The following BMP1 variants were observed in gnomAD, a reference collection of about 807,000 sequenced individuals.
The protein encoded by BMP1 is mammalian tolloid protein.
In BMP1, 63 loss-of-function variants were observed where a neutral mutation model predicts 116.8. That is an observed-to-expected ratio of 0.54 (90% CI 0.44 to 0.67). BMP1 has a LOEUF of 0.67. BMP1 is among the 30% of genes least tolerant of loss of function. The probability of loss-of-function intolerance (pLI) is 0.00; values close to 1 mark genes in which losing one functional copy is unlikely to be tolerated. For missense variants in BMP1, 1,183 were observed against 1,358.9 expected (o/e 0.87, Z 2.04); for synonymous variants, 536 against 533.4 (o/e 1.00, Z -0.07).
chr8:22,203,705 A>T (rs1484294735), intron 16 of BMP1, among the ~76,000 whole-genome samples: 1 of 152,172 alleles, frequency 6.6e-6, no homozygotes, highest in Non-Finnish European at 1.5e-5. Context: ...TGAGCTGCTC[A>T]CAAGCAGAAA....
chr8:22,166,487 G>A (rs1032015721), intron 1 of BMP1, among the ~76,000 whole-genome samples: 1 of 152,232 alleles, frequency 6.6e-6, no homozygotes, highest in African/African-American at 2.4e-5. Context: ...CGGGCCATTT[G>A]CCTGATTGGA....
chr8:22,183,591 AATTATTATTATTATT>A (rs10687529), intron 8 of BMP1, among the ~76,000 whole-genome samples: 3 of 146,986 alleles, frequency 2.0e-5, no homozygotes, highest in Non-Finnish European at 4.5e-5. Flanking sequence ...GTATGTGTTA[AATTATTATTATTATT>A]ATTATTATTA....
intron 17 of BMP1, 104 bp downstream of exon 17, chr8:22,207,085 C>T (rs1038550845): frequency 1.3e-6 from 2 of 1,522,564 alleles, no homozygotes; most frequent in East Asian, 4.8e-5. Flanking sequence ...GTCTGCCATC[C>T]CCAGGAGACC....
At position 22,194,996 on chromosome 8, in the gene BMP1, G is replaced by A. The variant is rs1468691700; in HGVS notation, c.1639+77G>A. 9.9e-6 allele frequency: 14 copies of A among 1,414,838 alleles called. No individual in the cohort carries two copies. Among genetic ancestry groups the A allele is most frequent in the South Asian group, 5.4e-5 (4 of 74,286 alleles). The allele number at this position is 1,414,838 out of a possible 1,614,324, so 87.6% of individuals were successfully genotyped here. Reference sequence around the variant, plus strand: ...CCTTCTTCACTCACTCATTCAACACGGAGACTCCAGGAGGCATATTGATAC... The same window carrying A: ...CCTTCTTCACTCACTCATTCAACACAGAGACTCCAGGAGGCATATTGATAC... On this transcript the variant is annotated intron_variant, in intron 12 of 19. Coordinates refer to ENST00000306385, the MANE Select transcript of BMP1 (RefSeq NM_006129.5). This position sits in a 1 kb window ranked among gnomAD's most constrained non-coding sequence, Gnocchi z 4.5.
Position 22,194,373 on chromosome 8 carries a change from GA to G in BMP1, c.1298-68del. 2 of 1,586,012 alleles carry G rather than the reference GA, an allele frequency of 1.3e-6. No homozygotes were observed. Among genetic ancestry groups the G allele is most frequent in the Non-Finnish European group, 8.6e-7 (1 of 1,162,906 alleles). On this transcript the variant is annotated intron_variant, in intron 10 of 19. Coordinates refer to ENST00000306385, the MANE Select transcript of BMP1 (RefSeq NM_006129.5). The surrounding 1 kb of genome is among the most constrained non-coding windows in gnomAD (Gnocchi z 4.5). ...ACATGGGAGGGACTGGAGGAGTGGG[GA>G]AAAGAGCTCCCTAGCAGGGCAAAGC...
chr8:22,210,251 A>C (rs1437229097), intron 19 of BMP1, among the ~76,000 whole-genome samples: 1 of 152,166 alleles, frequency 6.6e-6, no homozygotes, highest in Non-Finnish European at 1.5e-5. Flanking sequence ...ATAAAATGGC[A>C]CGTTAAGAGT....
In BMP1 at chr8:22,179,805, GC is replaced by G; in HGVS notation, c.940del (p.Arg314AlafsTer49). 1.2e-6 allele frequency: 2 copies of G among 1,614,074 alleles called. No homozygotes were observed. The highest frequency in any genetic ancestry group is 1.7e-6 in the Non-Finnish European group (2 of 1,179,946). ...TRLSKGDIAQARKLYKCPACG... is the reference protein window; with the variant it reads ...TRLSKGDIAQXRKLYKCPACG... Reference sequence around the variant, plus strand: ...GCTCAGCAAGGGGGACATTGCCCAAGCCCGCAAGCTTTACAAGTGCCCAGGT... The same window carrying G: ...GCTCAGCAAGGGGGACATTGCCCAAGCCGCAAGCTTTACAAGTGCCCAGGT... On this transcript the variant is annotated frameshift_variant, in exon 7 of 20. Coordinates refer to ENST00000306385, the MANE Select transcript of BMP1 (RefSeq NM_006129.5). LOFTEE classifies it high-confidence loss of function. This position sits in a 1 kb window ranked among gnomAD's most constrained non-coding sequence, Gnocchi z 4.6.
At chr8:22,182,344 C>G (rs1261649131) in intron 8 of BMP1, among the ~76,000 whole-genome samples, 2 of 152,278 alleles carry the variant, frequency 1.3e-5, no homozygotes, top group South Asian at 2.1e-4. Flanking sequence ...AAAGAAGAAC[C>G]AAGATTTCCC....
chr8:22,178,540 C>T (rs62494047), intron 6 of BMP1, among the ~76,000 whole-genome samples: 6 of 151,808 alleles, frequency 4.0e-5, no homozygotes, highest in Non-Finnish European at 7.4e-5. Flanking sequence ...CCTCCCAAAA[C>T]GCTGAGATTA....
At chr8:22,182,633 C>A (rs1828655954) in intron 8 of BMP1, among the ~76,000 whole-genome samples, 1 of 152,222 alleles carries the variant, frequency 6.6e-6, no homozygotes, top group Non-Finnish European at 1.5e-5. Context: ...GTTCGACCTG[C>A]CTTGTTTTCA....
At chr8:22,185,371 G>A (rs567196198) in intron 8 of BMP1, among the ~76,000 whole-genome samples, 2 of 151,902 alleles carry the variant, frequency 1.3e-5, no homozygotes, top group South Asian at 2.1e-4. Flanking sequence ...AGAATCGCTC[G>A]CTCAAACCCG....
intron 19 of BMP1, among the ~76,000 whole-genome samples, chr8:22,210,369 T>TCTTC (rs201111936): frequency 1.5e-5 from 1 of 67,584 alleles, no homozygotes; most frequent in African/African-American, 1.7e-4. Context: ...CTCTTCTTCT[T>TCTTC]TTTTTTTTTT....
In BMP1 at chr8:22,205,950, T is replaced by TA. The variant is rs140866905; in HGVS notation, c.2234-903dup. 7.0e-3 allele frequency among the ~76,000 whole-genome samples: 1,062 copies of TA among 152,124 alleles called. 14 individuals carry two copies. Among genetic ancestry groups the TA allele is most frequent in the East Asian group, 0.051 (261 of 5,148 alleles). On this transcript the variant is annotated intron_variant, in intron 16 of 19. Transcript: ENST00000306385. ...CGAGAGGCCGTCTTGGGTGGACCGT[T>TA]ATATGTCTGTTGACTTCACCTGGGA...
rs1030710852 is a variant in BMP1, at chr8:22,181,669, C to T, written c.1077+1186C>T. 5.3e-5 allele frequency among the ~76,000 whole-genome samples: 8 copies of T among 152,236 alleles called. No homozygotes were observed. In the East Asian group the frequency reaches 1.5e-3, roughly 29 times the overall value. ...CCAGGGTCAAGCGATACTCCCACCT[C>T]AGCCTCTGGAGTAGCTGGGACTGCA... On this transcript the variant is annotated intron_variant, in intron 8 of 19. Coordinates refer to ENST00000306385, the MANE Select transcript of BMP1 (RefSeq NM_006129.5).
At chr8:22,196,975 G>T in intron 14 of BMP1, 135 bp downstream of exon 14, 1 of 1,288,306 alleles carries the variant, frequency 7.8e-7, no homozygotes, top group Non-Finnish European at 1.0e-6. Flanking sequence ...ACTGCTCCCA[G>T]CTCACGAAGC....
At chr8:22,168,221 G>T (rs1470490569) in intron 1 of BMP1, among the ~76,000 whole-genome samples, 1 of 152,154 alleles carries the variant, frequency 6.6e-6, no homozygotes, top group African/African-American at 2.4e-5. Flanking sequence ...AGGCTGGTCT[G>T]TTTGTGTGCT....
chr8:22,199,590 C>T (rs891842107), intron 15 of BMP1, among the ~76,000 whole-genome samples: 1 of 152,214 alleles, frequency 6.6e-6, no homozygotes, highest in Non-Finnish European at 1.5e-5. Flanking sequence ...TAATTTTACC[C>T]CTGCTGTGTA....
At chr8:22,165,805 T>C (rs1357949795) in intron 1 of BMP1, among the ~76,000 whole-genome samples, 1 of 151,720 alleles carries the variant, frequency 6.6e-6, no homozygotes, top group Non-Finnish European at 1.5e-5. Flanking sequence ...GGAAGTCTCC[T>C]TGCGTCCCGG....
At chr8:22,199,186 G>A (rs755460392) in intron 15 of BMP1, 2 of 1,367,598 alleles carry the variant, frequency 1.5e-6, no homozygotes, top group South Asian at 1.1e-5. Context: ...CATCGCACAA[G>A]AAACCTGCAG....
Sources: allele counts gnomAD v4.1 joint callset (sites outside exome capture counted in the v4.1 genomes callset), GRCh38; gene constraint gnomAD v4.1.1; non-coding constraint Gnocchi (gnomAD v3.1); transcripts MANE v1.5; gene names NCBI Gene and HGNC (gene_info 2026-07-23, HGNC 2026-07-21).